PTPRT: variants seen among roughly 807,000 people sequenced by gnomAD.
PTPRT encodes the protein receptor-type tyrosine-protein phosphatase T.
In PTPRT, 56 loss-of-function variants were observed where a neutral mutation model predicts 176.8. That is an observed-to-expected ratio of 0.32 (90% confidence interval 0.26 to 0.40). The LOEUF (loss-of-function observed/expected upper bound fraction) is 0.40, where lower values mean the gene tolerates loss of function less well. Ranked by LOEUF, PTPRT falls within the 10% of genes least tolerant of loss-of-function variation. The probability of loss-of-function intolerance (pLI) is 1.00; values close to 1 mark genes in which losing one functional copy is unlikely to be tolerated. For synonymous variants in PTPRT, 783 were observed against 739.0 expected (o/e 1.06, Z -0.96); for missense variants, 1,540 against 1,908.2 (o/e 0.81, Z 3.60).
chr20:42,855,429 CTTT>C (rs555034551), intron 2 of PTPRT, among the ~76,000 whole-genome samples: 6 of 115,684 alleles, frequency 5.2e-5, no homozygotes, highest in Admixed American at 8.9e-5. Context: ...TATGTTCATG[CTTT>C]TTTTTTTTTT....
chr20:43,103,893 G>A lies in PTPRT; in HGVS notation c.88+85753C>T, dbSNP rs113364478. On this transcript the variant is annotated intron_variant, in intron 1 of 30. Coordinates refer to ENST00000373187, the MANE Select transcript of PTPRT (RefSeq NM_007050.6). The stretch of plus-strand genomic sequence containing the variant: ...CTCCTCTTAGGAAATAACATCTACC[G>A]CAATAAGATTTTAACTTCTATCTCT... Among the ~76,000 whole-genome samples the A allele has an allele frequency of 4.7e-3, 710 of 152,092 alleles. 5 individuals carry two copies. Among genetic ancestry groups the A allele is most frequent in the African/African-American group, 0.016 (652 of 41,464 alleles).
chr20:42,331,485 A>G (rs1480656809), intron 11 of PTPRT, among the ~76,000 whole-genome samples: 1 of 152,172 alleles, frequency 6.6e-6, no homozygotes, highest in African/African-American at 2.4e-5. Flanking sequence ...TCTAAGCTCT[A>G]AAAATGTAAA....
At chr20:43,112,669 G>A (rs2012911856) in intron 1 of PTPRT, among the ~76,000 whole-genome samples, 1 of 152,200 alleles carries the variant, frequency 6.6e-6, no homozygotes, top group Non-Finnish European at 1.5e-5. Flanking sequence ...GAATGAATCT[G>A]CCCGGCTTCA....
At chr20:42,944,227 G>T (rs181333976) in intron 1 of PTPRT, among the ~76,000 whole-genome samples, 2 of 152,072 alleles carry the variant, frequency 1.3e-5, no homozygotes, top group Admixed American at 6.5e-5. Flanking sequence ...GGATTTTAGA[G>T]CCGGGGGGCG....
chr20:42,612,191 T>C (rs1023149407), intron 7 of PTPRT, among the ~76,000 whole-genome samples: 1 of 152,176 alleles, frequency 6.6e-6, no homozygotes, highest in Non-Finnish European at 1.5e-5. Flanking sequence ...CACAGTTCCC[T>C]ACTCTCCCAC....
intron 1 of PTPRT, among the ~76,000 whole-genome samples, chr20:42,948,782 G>T (rs1292123224): frequency 1.3e-5 from 2 of 152,146 alleles, no homozygotes; most frequent in East Asian, 3.8e-4. Context: ...ATTTTGGGTT[G>T]GAGTCTATCA....
At chr20:42,347,476 G>A (rs1412275879) in intron 11 of PTPRT, among the ~76,000 whole-genome samples, 3 of 152,112 alleles carry the variant, frequency 2.0e-5, no homozygotes, top group African/African-American at 4.8e-5. Context: ...TCATCTTACA[G>A]TGGAACTGCA....
At chr20:42,535,449 T>G (rs58888366) in intron 7 of PTPRT, among the ~76,000 whole-genome samples, 4,040 of 152,184 alleles carry the variant, frequency 0.027, 179 homozygotes, top group African/African-American at 0.093. Context: ...TAGCACACCT[T>G]CCCATCTACC....
intron 7 of PTPRT, among the ~76,000 whole-genome samples, chr20:42,618,109 G>A (rs1418962072): frequency 7.4e-6 from 1 of 135,440 alleles, no homozygotes; most frequent in East Asian, 2.0e-4. Flanking sequence ...ACACTGCTTT[G>A]AATGCGTCCC....
intron 2 of PTPRT, among the ~76,000 whole-genome samples, chr20:42,822,293 C>T (rs977966702): frequency 6.6e-6 from 1 of 152,112 alleles, no homozygotes; most frequent in African/African-American, 2.4e-5. Context: ...CAAAAACAAG[C>T]AATGGGGAAA....
At chr20:43,021,686 C>G (rs188673733) in intron 1 of PTPRT, among the ~76,000 whole-genome samples, 1 of 152,118 alleles carries the variant, frequency 6.6e-6, no homozygotes, top group East Asian at 1.9e-4. Context: ...GTATTCAGAT[C>G]ACTGAAGCAT....
At chr20:42,355,977 G>A (rs1024877845) in intron 9 of PTPRT, among the ~76,000 whole-genome samples, 1 of 152,076 alleles carries the variant, frequency 6.6e-6, no homozygotes, top group African/African-American at 2.4e-5. Flanking sequence ...GAAACACTAT[G>A]AATAAATCAA....
At chr20:42,857,931 C>G (rs184871047) in intron 2 of PTPRT, among the ~76,000 whole-genome samples, 1 of 152,256 alleles carries the variant, frequency 6.6e-6, no homozygotes, top group Admixed American at 6.5e-5. Flanking sequence ...TTTACTTTTT[C>G]TGTTTCTGTT....
chr20:42,574,863 A>C (rs2073227726), intron 7 of PTPRT, among the ~76,000 whole-genome samples: 1 of 151,968 alleles, frequency 6.6e-6, no homozygotes, highest in Admixed American at 6.6e-5. Context: ...TGGGTTTATA[A>C]GTGTTTGGCA....
intron 1 of PTPRT, among the ~76,000 whole-genome samples, chr20:43,099,357 A>G (rs2012299307): frequency 6.6e-6 from 1 of 152,188 alleles, no homozygotes; most frequent in Non-Finnish European, 1.5e-5. Context: ...TCAAAGAAGC[A>G]TGGACCAGAG....
intron 7 of PTPRT, among the ~76,000 whole-genome samples, chr20:42,480,689 T>C (rs1252267281): frequency 6.6e-6 from 1 of 152,168 alleles, no homozygotes; most frequent in Non-Finnish European, 1.5e-5. Flanking sequence ...ATAGATACAG[T>C]ACAGCATTGA....
chr20:42,160,500 C>T (rs530782397), intron 17 of PTPRT, among the ~76,000 whole-genome samples: 13 of 121,422 alleles, frequency 1.1e-4, no homozygotes, highest in Non-Finnish European at 1.9e-4. Context: ...AAAAGAGGAA[C>T]GTGGTGCCCT....
chr20:42,192,100 CAA>C (rs1169382962), intron 16 of PTPRT, among the ~76,000 whole-genome samples: 2 of 152,042 alleles, frequency 1.3e-5, no homozygotes, highest in Admixed American at 6.6e-5. Context: ...GGATCAGAGA[CAA>C]TATGTGAACA....
intron 1 of PTPRT, among the ~76,000 whole-genome samples, chr20:43,105,682 G>C (rs1163467905): frequency 6.6e-6 from 1 of 152,208 alleles, no homozygotes; most frequent in African/African-American, 2.4e-5. Flanking sequence ...TTAAAGGTGT[G>C]AGCCACCGCA....
Sources: gnomAD v4.1 joint callset for allele counts (sites outside exome capture counted in the v4.1 genomes callset) on GRCh38, gnomAD v4.1.1 for gene constraint, MANE v1.5 for transcripts, NCBI Gene and HGNC (gene_info 2026-07-23, HGNC 2026-07-21) for gene names.